The following CNTNAP5 variants were observed in gnomAD, a reference collection of about 807,000 sequenced individuals.
CNTNAP5 encodes the protein contactin-associated protein-like 5.
Under a neutral mutation model 150.2 loss-of-function variants are expected in CNTNAP5, and 72 were observed. The ratio of observed to expected loss-of-function variants is 0.48; its 90% CI spans 0.40 to 0.58. The LOEUF is 0.58. CNTNAP5 is among the 20% of genes least tolerant of loss of function. The pLI is 0.00. For synonymous variants in CNTNAP5, 672 were observed against 619.8 expected, an observed-to-expected ratio of 1.08 and a Z score of -1.25; for missense variants, 1,636 against 1,626.2, an observed-to-expected ratio of 1.01 and a Z score of -0.10.
At chr2:124,084,924 G>GTTTTTTTTTTTTTTTTTTTTTTT (rs71394021) in intron 1 of CNTNAP5, among the ~76,000 whole-genome samples, 1 of 89,992 alleles carries the variant, frequency 1.1e-5, no homozygotes, top group Non-Finnish European at 2.0e-5. Context: ...CAAGTTTCCT[G>GTTTTTTTTTTTTTTTTTTTTTTT]TTTTTTTTTT....
At chr2:124,629,832 G>T (rs1382598966) in intron 12 of CNTNAP5, among the ~76,000 whole-genome samples, 1 of 121,350 alleles carries the variant, frequency 8.2e-6, no homozygotes, top group Non-Finnish European at 1.7e-5. Context: ...AGACTAACAA[G>T]AAGAGAGAAG....
At chr2:124,723,595 T>A (rs1302378707) in intron 13 of CNTNAP5, among the ~76,000 whole-genome samples, 1 of 152,160 alleles carries the variant, frequency 6.6e-6, no homozygotes, top group Non-Finnish European at 1.5e-5. Context: ...TACCATAGAC[T>A]GAGTGACTTG....
At chr2:124,211,101 A>T (rs527684201) in intron 1 of CNTNAP5, among the ~76,000 whole-genome samples, 6 of 152,234 alleles carry the variant, frequency 3.9e-5, no homozygotes, top group Non-Finnish European at 8.8e-5. Flanking sequence ...GTCTTGGAGC[A>T]TAAGTAATGC....
chr2:124,203,756 C>T (rs898622467), intron 1 of CNTNAP5, among the ~76,000 whole-genome samples: 17 of 152,232 alleles, frequency 1.1e-4, no homozygotes, highest in Middle Eastern at 3.4e-3. Flanking sequence ...GGTTGGGATG[C>T]GGAGCACCAA....
chr2:124,732,663 A>G (rs1450753164), intron 13 of CNTNAP5, among the ~76,000 whole-genome samples: 1 of 152,170 alleles, frequency 6.6e-6, no homozygotes, highest in African/African-American at 2.4e-5. Flanking sequence ...GAATTTTGTT[A>G]TAGCCGGCCA....
At chr2:124,037,766 G>A (rs1428358880) in intron 1 of CNTNAP5, among the ~76,000 whole-genome samples, 1 of 152,186 alleles carries the variant, frequency 6.6e-6, no homozygotes, top group Non-Finnish European at 1.5e-5. Flanking sequence ...CTTTTGTACA[G>A]CAAGGTGACT....
intron 8 of CNTNAP5, among the ~76,000 whole-genome samples, chr2:124,510,348 AACACACACACACACACAC>A (rs3039130): frequency 1.5e-5 from 1 of 68,292 alleles, no homozygotes; most frequent in Non-Finnish European, 2.6e-5. Context: ...TCCATATGTC[AACACACACACACACACAC>A]ACACACACAC....
At chr2:124,441,309 G>C (rs1279363754) in intron 5 of CNTNAP5, among the ~76,000 whole-genome samples, 1 of 151,884 alleles carries the variant, frequency 6.6e-6, no homozygotes. Context: ...GCAGCGTGAG[G>C]ATTGTGTTTT....
rs1042937745 is a variant in CNTNAP5 at position 124,786,368 on chromosome 2, A to G, written c.2753-3534A>G. On this transcript the variant is annotated intron_variant, in intron 17 of 23. Coordinates refer to ENST00000682447, the MANE Select transcript of CNTNAP5 (RefSeq NM_001367498.1). The stretch of plus-strand genomic sequence containing the variant: ...GAAAGAAAGGAAGAAAGAAAGAAAG[A>G]AAGAAAGAAAGAAAGAAAGAAAGAA... 9.3e-4 allele frequency among the ~76,000 whole-genome samples: 63 copies of G among 67,854 alleles called. 2 individuals carry two copies. Among genetic ancestry groups the G allele is most frequent in the African/African-American group, 3.9e-3 (56 of 14,482 alleles). 44.5% of individuals were successfully genotyped at this position (67,854 alleles called of 152,430 possible). A position where few individuals can be genotyped will look rare whatever the true frequency, so the allele number is the denominator to read the frequency against.
At chr2:124,152,169 CAGG>C (rs1213390001) in intron 1 of CNTNAP5, among the ~76,000 whole-genome samples, 1 of 152,168 alleles carries the variant, frequency 6.6e-6, no homozygotes, top group Non-Finnish European at 1.5e-5. Context: ...AGCGCACATA[CAGG>C]AGAAGGGTAA....
At chr2:124,429,523 C>G (rs1692319380) in intron 4 of CNTNAP5, among the ~76,000 whole-genome samples, 1 of 152,146 alleles carries the variant, frequency 6.6e-6, no homozygotes, top group African/African-American at 2.4e-5. Context: ...TTTGAAAACC[C>G]TTTTCTCTCT....
intron 21 of CNTNAP5, among the ~76,000 whole-genome samples, chr2:124,898,828 T>A (rs1198080600): frequency 1.3e-5 from 2 of 151,394 alleles, no homozygotes; most frequent in Admixed American, 1.3e-4. Flanking sequence ...GTAAAAGATT[T>A]TACTATTACT....
intron 4 of CNTNAP5, among the ~76,000 whole-genome samples, chr2:124,423,615 G>C (rs1036529371): frequency 7.0e-6 from 1 of 143,278 alleles, no homozygotes; most frequent in African/African-American, 2.6e-5. Context: ...CAAAGTGCTG[G>C]GATTACAGGC....
At chr2:124,592,370 T>C (rs1406690813) in intron 11 of CNTNAP5, among the ~76,000 whole-genome samples, 1 of 118,988 alleles carries the variant, frequency 8.4e-6, no homozygotes, top group Non-Finnish European at 1.8e-5. Flanking sequence ...CGTGTGTATA[T>C]ATATATGTGT....
intron 6 of CNTNAP5, among the ~76,000 whole-genome samples, chr2:124,456,035 C>T (rs541050376): frequency 6.6e-6 from 1 of 152,182 alleles, no homozygotes; most frequent in South Asian, 2.1e-4. Flanking sequence ...CACCACTCCT[C>T]TTCAACATAG....
intron 20 of CNTNAP5, among the ~76,000 whole-genome samples, chr2:124,867,858 T>A (rs2104723202): frequency 6.6e-6 from 1 of 152,324 alleles, no homozygotes; most frequent in East Asian, 1.9e-4. Context: ...TATATGAATA[T>A]CCGTTAGGCA....
At chr2:124,474,004 G>A (rs143221329) in intron 6 of CNTNAP5, among the ~76,000 whole-genome samples, 2 of 152,102 alleles carry the variant, frequency 1.3e-5, no homozygotes, top group African/African-American at 4.8e-5. Context: ...AAAAACCGCA[G>A]TTGCTTTTGC....
At chr2:124,177,036 T>G (rs1270414396) in intron 1 of CNTNAP5, among the ~76,000 whole-genome samples, 7 of 151,864 alleles carry the variant, frequency 4.6e-5, no homozygotes, top group South Asian at 4.2e-4. Context: ...CTAGTAGAGA[T>G]GAGGTTTCAC....
At chr2:124,448,809 G>A (rs924634142) in intron 6 of CNTNAP5, among the ~76,000 whole-genome samples, 6 of 152,076 alleles carry the variant, frequency 3.9e-5, no homozygotes, top group Non-Finnish European at 8.8e-5. Context: ...AAACTCAACT[G>A]GTATACAGAA....
Sources: allele counts gnomAD v4.1 joint callset (sites outside exome capture counted in the v4.1 genomes callset), GRCh38; gene constraint gnomAD v4.1.1; transcripts MANE v1.5; gene names NCBI Gene and HGNC (gene_info 2026-07-23, HGNC 2026-07-21).